Variants in PIP4K2B observed in about 807,000 individuals in gnomAD.
PIP4K2B encodes the protein phosphatidylinositol 5-phosphate 4-kinase type-2 beta.
In PIP4K2B, 3 loss-of-function variants were observed where a neutral mutation model predicts 42.0. The ratio of observed to expected loss-of-function variants is 0.07; its 90% CI spans 0.03 to 0.18. The LOEUF (loss-of-function observed/expected upper bound fraction) is 0.18. Ranked by LOEUF, PIP4K2B falls within the 10% of genes least tolerant of loss-of-function variation. The probability of loss-of-function intolerance (pLI) is 1.00; values close to 1 mark genes in which losing one functional copy is unlikely to be tolerated. For synonymous variants in PIP4K2B, 204 were observed against 210.1 expected, an observed-to-expected ratio of 0.97 and a Z score of 0.25; for missense variants, 332 against 562.3, an observed-to-expected ratio of 0.59 and a Z score of 4.14.
intron 1 of PIP4K2B, among the ~76,000 whole-genome samples, chr17:38,793,476 T>A (rs949297642): frequency 6.6e-6 from 1 of 151,970 alleles, no homozygotes; most frequent in African/African-American, 2.4e-5. Context: ...ACTCCTGACC[T>A]CAGGTGATCC....
intron 5 of PIP4K2B, among the ~76,000 whole-genome samples, chr17:38,778,636 G>C (rs920088474): frequency 6.6e-6 from 1 of 152,204 alleles, no homozygotes; most frequent in Non-Finnish European, 1.5e-5. Flanking sequence ...AGGGGAGACA[G>C]ATATTCAGCA....
At chr17:38,781,178 C>G (rs1909691376) in intron 3 of PIP4K2B, among the ~76,000 whole-genome samples, 1 of 152,122 alleles carries the variant, frequency 6.6e-6, no homozygotes, top group South Asian at 2.1e-4. Context: ...GAAGCTGATC[C>G]TCATCTCTGA....
At chr17:38,788,722 A>G (rs111597550) in intron 1 of PIP4K2B, among the ~76,000 whole-genome samples, 2,200 of 152,120 alleles carry the variant, frequency 0.014, 44 homozygotes, top group African/African-American at 0.05. Flanking sequence ...AAGCTGAGGC[A>G]GGCAGATCAC....
intron 1 of PIP4K2B, among the ~76,000 whole-genome samples, chr17:38,790,603 C>T (rs907739729): frequency 2.6e-5 from 4 of 152,138 alleles, no homozygotes; most frequent in South Asian, 2.1e-4. Flanking sequence ...GGATTACAGG[C>T]GCATGTCACC....
intron 1 of PIP4K2B, among the ~76,000 whole-genome samples, chr17:38,796,878 T>C (rs928513974): frequency 6.6e-6 from 1 of 151,884 alleles, no homozygotes; most frequent in Non-Finnish European, 1.5e-5. Flanking sequence ...AGGGAGGAAA[T>C]CTCCAAAAAA....
chr17:38,776,193 C>A, intron 7 of PIP4K2B: 1 of 330,638 alleles, frequency 3.0e-6, no homozygotes, highest in South Asian at 2.3e-5. Flanking sequence ...TGGTCTCAAA[C>A]TCCTGACCTC....
At chr17:38,796,609 A>G (rs1417436383) in intron 1 of PIP4K2B, among the ~76,000 whole-genome samples, 1 of 152,162 alleles carries the variant, frequency 6.6e-6, no homozygotes, top group African/African-American at 2.4e-5. Context: ...CACAAAATCC[A>G]TGGGCTCTTG....
intron 4 of PIP4K2B, 64 bp downstream of exon 4, chr17:38,780,388 C>A: frequency 6.8e-7 from 1 of 1,481,082 alleles, no homozygotes; most frequent in South Asian, 1.3e-5. Flanking sequence ...AAGAAGCTCC[C>A]CCAGGGCTCT....
intron 2 of PIP4K2B, 27 bp downstream of exon 2, chr17:38,786,796 C>T (rs1186860386): frequency 6.9e-7 from 1 of 1,457,648 alleles, no homozygotes; most frequent in African/African-American, 1.4e-5. Flanking sequence ...GCCCACAAAA[C>T]CTGAGTCCAC....
intron 9 of PIP4K2B, among the ~76,000 whole-genome samples, 155 bp downstream of exon 9, chr17:38,770,281 A>G (rs1325110305): frequency 6.6e-6 from 1 of 152,198 alleles, no homozygotes; most frequent in African/African-American, 2.4e-5. Context: ...ATGGCAAGGC[A>G]GGCAGGCTGC....
At chr17:38,789,951 G>T (rs186023484) in intron 1 of PIP4K2B, among the ~76,000 whole-genome samples, 59 of 152,206 alleles carry the variant, frequency 3.9e-4, no homozygotes, top group Non-Finnish European at 5.9e-4. Flanking sequence ...GCCAGGGGGC[G>T]GGGGGTGCTG....
intron 7 of PIP4K2B, among the ~76,000 whole-genome samples, chr17:38,774,350 A>G (rs1349706435): frequency 6.6e-6 from 1 of 152,026 alleles, no homozygotes; most frequent in Non-Finnish European, 1.5e-5. Flanking sequence ...GGAAGAGGGA[A>G]CTCCTTCTGC....
In PIP4K2B at chr17:38,771,092, G is replaced by A. The variant is rs757879721; in HGVS notation, c.988C>T (p.Leu330Phe). The change falls in exon 8 of 10, where the codon CTC (leucine) becomes TTC (phenylalanine). Residue 330 changes from leucine to phenylalanine, a missense_variant. Leu to Phe is a conservative substitution (Grantham distance 22, BLOSUM62 0). Coordinates refer to ENST00000619039, the MANE Select transcript of PIP4K2B (RefSeq NM_003559.5). ...CCAAAGAACCGAGGAAAGCTGAGGA[G>A]GTTGCCAGGGCTGTCCGGAGGTGTG... The part of the protein sequence containing the change: ...YGTPPDSPGN[L>F]LSFPRFFGPG... The A allele has an allele frequency of 6.2e-7, 1 of 1,614,144 alleles. No homozygotes were observed. Among genetic ancestry groups the A allele is most frequent in the South Asian group, 1.1e-5 (1 of 91,086 alleles).
At chr17:38,789,766 C>T (rs8071285) in intron 1 of PIP4K2B, among the ~76,000 whole-genome samples, 7,753 of 152,166 alleles carry the variant, frequency 0.051, 410 homozygotes, top group African/African-American at 0.14. Flanking sequence ...TAGGAATGCA[C>T]GTGCTTTGAG....
chr17:38,770,605 C>T, intron 8 of PIP4K2B, 66 bp from the exon 9 acceptor site: 1 of 873,916 alleles, frequency 1.1e-6, no homozygotes, highest in Non-Finnish European at 1.9e-6. Context: ...AGCAGCTGGG[C>T]ACTGCTACAA....
chr17:38,787,154 G>GC (rs1025456213), intron 1 of PIP4K2B, among the ~76,000 whole-genome samples: 9 of 152,178 alleles, frequency 5.9e-5, no homozygotes, highest in Admixed American at 3.9e-4. Context: ...GCCCACACCA[G>GC]CCCCCCAAGT....
intron 2 of PIP4K2B, 110 bp downstream of exon 2, chr17:38,786,713 C>A: frequency 1.3e-6 from 1 of 756,642 alleles, no homozygotes. Flanking sequence ...GCTGCTGTCA[C>A]ACCCTGCCAG....
In PIP4K2B at chr17:38,799,177, G is replaced by A. The variant is rs1281248393; in HGVS notation, c.159+89C>T. 3 of 1,362,106 alleles carry A rather than the reference G, an allele frequency of 2.2e-6. No homozygotes were observed. The highest frequency in any genetic ancestry group is 1.5e-5 in the South Asian group (1 of 64,924). 84.4% of individuals were successfully genotyped at this position (1,362,106 alleles called of 1,614,324 possible). A position where few individuals can be genotyped will look rare whatever the true frequency, so the allele number is the denominator to read the frequency against. On this transcript the variant is annotated intron_variant, in intron 1 of 9. Transcript: ENST00000619039. The surrounding 1 kb of genome is among the most constrained non-coding windows in gnomAD (Gnocchi z 4.4). ...TTGGCGAGGGGTGGCAGGCGTCACC[G>A]GCAGGGCCTGCGGGGCAAGGGCCCA...
intron 7 of PIP4K2B, among the ~76,000 whole-genome samples, chr17:38,776,862 G>A (rs759877188): frequency 7.9e-5 from 12 of 152,116 alleles, no homozygotes; most frequent in Non-Finnish European, 1.3e-4. Context: ...CTAGGTAAGT[G>A]GAGAATCAGA....
Sources: gnomAD v4.1 joint callset for allele counts (sites outside exome capture counted in the v4.1 genomes callset) on GRCh38, gnomAD v4.1.1 for gene constraint, Gnocchi (gnomAD v3.1) non-coding constraint, MANE v1.5 for transcripts, NCBI Gene and HGNC (gene_info 2026-07-23, HGNC 2026-07-21) for gene names.